SLC4A10: variants seen among roughly 807,000 people sequenced by gnomAD.
SLC4A10 encodes sodium-driven chloride bicarbonate exchanger.
In SLC4A10, 42 loss-of-function variants were observed where a neutral mutation model predicts 137.7. The ratio of observed to expected loss-of-function variants is 0.30; its 90% CI spans 0.24 to 0.39. SLC4A10 has a LOEUF of 0.39. Among genes scored for constraint, SLC4A10 ranks in the 10% least tolerant of loss-of-function variants. SLC4A10 has a pLI of 1.00. For synonymous variants in SLC4A10, 474 were observed against 464.1 expected (o/e 1.02, Z -0.27); for missense variants, 925 against 1,355.0 (o/e 0.68, Z 4.98).
intron 13 of SLC4A10, 45 bp from the exon 14 acceptor site, chr2:161,904,731 C>A: frequency 6.2e-7 from 1 of 1,608,686 alleles, no homozygotes; most frequent in Non-Finnish European, 8.5e-7. Flanking sequence ...CTACAATGGC[C>A]TCCTGTACAG....
chr2:161,834,700 C>CAAAA (rs1553574208), intron 3 of SLC4A10, among the ~76,000 whole-genome samples: 1 of 149,210 alleles, frequency 6.7e-6, no homozygotes, highest in African/African-American at 2.5e-5. Flanking sequence ...CACACACACA[C>CAAAA]AAAACCTATT....
At chr2:161,924,957 G>C (rs1189042302) in intron 15 of SLC4A10, among the ~76,000 whole-genome samples, 1 of 152,140 alleles carries the variant, frequency 6.6e-6, no homozygotes, top group Non-Finnish European at 1.5e-5. Context: ...GGATGGTGTA[G>C]TTTTCATGAT....
intron 15 of SLC4A10, among the ~76,000 whole-genome samples, chr2:161,930,223 C>T (rs1205872010): frequency 6.6e-6 from 1 of 152,110 alleles, no homozygotes; most frequent in African/African-American, 2.4e-5. Context: ...GAGTGCAGAC[C>T]AGAAATCACA....
At chr2:161,863,215 T>C (rs2060534114) in intron 6 of SLC4A10, among the ~76,000 whole-genome samples, 153 bp downstream of exon 6, 1 of 152,202 alleles carries the variant, frequency 6.6e-6, no homozygotes. Flanking sequence ...ATATTCTTAT[T>C]ATCAAGCATC....
intron 14 of SLC4A10, 75 bp downstream of exon 14, chr2:161,904,984 C>T (rs1684004146): frequency 1.4e-6 from 2 of 1,450,984 alleles, no homozygotes; most frequent in Non-Finnish European, 1.9e-6. Flanking sequence ...CCCAACATCA[C>T]TTTTGGAGGT....
At chr2:161,834,120 T>C (rs187608707) in intron 3 of SLC4A10, among the ~76,000 whole-genome samples, 2 of 152,388 alleles carry the variant, frequency 1.3e-5, no homozygotes, top group Admixed American at 1.3e-4. Context: ...CTCCAAATGG[T>C]AGTCCAGCTA....
intron 19 of SLC4A10, among the ~76,000 whole-genome samples, chr2:161,956,285 A>G (rs1184758198): frequency 6.6e-6 from 1 of 152,176 alleles, no homozygotes; most frequent in Non-Finnish European, 1.5e-5. Flanking sequence ...CAAGAGCTTA[A>G]GTGATTTATT....
chr2:161,683,437 G>C (rs111724483), intron 1 of SLC4A10, among the ~76,000 whole-genome samples: 76 of 152,280 alleles, frequency 5.0e-4, no homozygotes, highest in African/African-American at 1.7e-3. Context: ...GCCAGCCAAA[G>C]GGACAGCTTC....
intron 21 of SLC4A10, among the ~76,000 whole-genome samples, chr2:161,960,589 G>A (rs749039815): frequency 4.0e-5 from 6 of 151,448 alleles, no homozygotes; most frequent in Non-Finnish European, 7.4e-5. Context: ...GTGTGGTGGT[G>A]CATGCCTGTA....
rs753956303 is a variant in SLC4A10 at position 161,947,653 on chromosome 2, A to T, written c.2191A>T (p.Ile731Phe). ...TCCAGATGTTCTATTTTGGTCTGTG[A>T]TCCTGTTCTTTTCCACAGTTACTCT... ...YVPDVLFWSV[I>F]LFFSTVTLSA... The change falls in exon 17 of 27, where the codon ATC (isoleucine) becomes TTC (phenylalanine). Residue 731 changes from isoleucine (I) to phenylalanine (F), a missense_variant. Ile to Phe is a conservative substitution (Grantham distance 21, BLOSUM62 0). Around this residue, in one of 11 missense-constraint regions of SLC4A10, gnomAD observed 82 missense variants for 151.4 expected, o/e 0.54. Coordinates refer to ENST00000446997, the MANE Select transcript of SLC4A10 (RefSeq NM_001178015.2). The T allele has an allele frequency of 1.9e-6, 3 of 1,613,314 alleles. No individual in the cohort carries two copies. Among genetic ancestry groups the T allele is most frequent in the South Asian group, 2.2e-5 (2 of 91,072 alleles).
At chr2:161,960,674 C>A (rs865931849) in intron 21 of SLC4A10, among the ~76,000 whole-genome samples, 2 of 148,884 alleles carry the variant, frequency 1.3e-5, no homozygotes, top group African/African-American at 2.5e-5. Flanking sequence ...GAGCCGAGAT[C>A]ATGCTACTGC....
chr2:161,983,308 G>A lies in SLC4A10; in HGVS notation c.*156G>A. 7.0e-7 allele frequency: 1 copy of A among 1,427,764 alleles called. No homozygotes were observed. The highest frequency in any genetic ancestry group is 2.5e-5 in the East Asian group (1 of 40,354). The allele number at this position is 1,427,764 out of a possible 1,614,324, so 88.4% of individuals were successfully genotyped here. ...GAGTGTCACAATTATTAATAAAACT[G>A]CTTTGATCATGTATTGTAAATTCTG... On this transcript the variant is annotated 3_prime_UTR_variant, in exon 27 of 27. Transcript: ENST00000446997.
chr2:161,872,125 T>G (rs2061166445), intron 6 of SLC4A10, among the ~76,000 whole-genome samples, 168 bp from the exon 7 acceptor site: 1 of 152,232 alleles, frequency 6.6e-6, no homozygotes, highest in African/African-American at 2.4e-5. Flanking sequence ...TTACTGATAA[T>G]AAGAATGTTT....
chr2:161,672,108 A>G (rs2039793705), intron 1 of SLC4A10, among the ~76,000 whole-genome samples: 1 of 152,126 alleles, frequency 6.6e-6, no homozygotes, highest in African/African-American at 2.4e-5. Context: ...TGTACCAAGA[A>G]GCGCAGTTGG....
intron 1 of SLC4A10, among the ~76,000 whole-genome samples, chr2:161,761,610 C>T (rs2050260807): frequency 6.6e-6 from 1 of 152,070 alleles, no homozygotes; most frequent in Admixed American, 6.6e-5. Context: ...TTTCGCTACC[C>T]TTTAAAATAC....
chr2:161,766,319 T>G (rs1006184785), intron 1 of SLC4A10, among the ~76,000 whole-genome samples: 1 of 152,168 alleles, frequency 6.6e-6, no homozygotes, highest in Non-Finnish European at 1.5e-5. Flanking sequence ...GGAATTGTGT[T>G]TTGGTTGAGG....
At chr2:161,906,754 T>G (rs1684469683) in intron 15 of SLC4A10, among the ~76,000 whole-genome samples, 1 of 152,124 alleles carries the variant, frequency 6.6e-6, no homozygotes, top group African/African-American at 2.4e-5. Context: ...AAGTTTAAAT[T>G]GTTGAAATCA....
At chr2:161,645,756 TA>T (rs1289490384) in intron 1 of SLC4A10, among the ~76,000 whole-genome samples, 1 of 152,048 alleles carries the variant, frequency 6.6e-6, no homozygotes. Flanking sequence ...GAAAACATAG[TA>T]AAGTAATTTT....
intron 26 of SLC4A10, among the ~76,000 whole-genome samples, chr2:161,981,659 T>C (rs1700232820): frequency 6.6e-6 from 1 of 152,184 alleles, no homozygotes; most frequent in Non-Finnish European, 1.5e-5. Context: ...TAAAAGGAAC[T>C]TAAAGTAGAA....
Sources: allele counts gnomAD v4.1 joint callset (sites outside exome capture counted in the v4.1 genomes callset), GRCh38; gene constraint gnomAD v4.1.1; regional missense constraint gnomAD v4.1.1; transcripts MANE v1.5; gene names NCBI Gene and HGNC (gene_info 2026-07-23, HGNC 2026-07-21).